Variants in TRAPPC9 observed in about 807,000 individuals in gnomAD.
TRAPPC9 encodes the protein trafficking protein particle complex subunit 9.
In TRAPPC9, 83 loss-of-function variants were observed where a neutral mutation model predicts 124.0. The ratio of observed to expected loss-of-function variants is 0.67; its 90% CI spans 0.56 to 0.80. The LOEUF is 0.80. TRAPPC9 is among the 30% of genes least tolerant of loss of function. The probability of loss-of-function intolerance (pLI) is 0.00; values close to 1 mark genes in which losing one functional copy is unlikely to be tolerated. For synonymous variants in TRAPPC9, 638 were observed against 617.5 expected, an observed-to-expected ratio of 1.03 and a Z score of -0.49; for missense variants, 1,302 against 1,508.3, an observed-to-expected ratio of 0.86 and a Z score of 2.27.
rs936323208 is a variant in TRAPPC9, at chr8:140,252,841, T to G, written c.2367A>C (p.Thr789=). 1.9e-6 allele frequency: 3 copies of G among 1,614,056 alleles called. No individual in the cohort carries two copies. The African/African-American group carries it at 4.0e-5, about 22-fold the overall frequency. The change falls in exon 16 of 23, where the codon ACA becomes ACC. Residue 789 remains threonine, a synonymous_variant. Coordinates refer to ENST00000438773, the MANE Select transcript of TRAPPC9 (RefSeq NM_001160372.4). This position sits in a 1 kb window ranked among gnomAD's most constrained non-coding sequence, Gnocchi z 4.2. Reference sequence around the variant, plus strand: ...AATCCAGCTTCACTTTGATGTTGATTGTGAACGTGGCCACCTTCCCAGGCT... The same window carrying G: ...AATCCAGCTTCACTTTGATGTTGATGGTGAACGTGGCCACCTTCCCAGGCT... ...PLQPGKVATF[T]INIKVKLDFS...
intron 17 of TRAPPC9, among the ~76,000 whole-genome samples, chr8:140,107,397 G>C (rs2060686577): frequency 6.6e-6 from 1 of 152,212 alleles, no homozygotes; most frequent in Non-Finnish European, 1.5e-5. Context: ...TTTATGCTAA[G>C]ACCAGAACAT....
intron 21 of TRAPPC9, among the ~76,000 whole-genome samples, chr8:139,767,274 C>A (rs776866384): frequency 1.3e-5 from 2 of 152,356 alleles, no homozygotes; most frequent in South Asian, 2.1e-4. Context: ...CAAGTCTGTG[C>A]GCCTCCAAAG....
At chr8:139,952,559 G>A (rs1834706450) in intron 19 of TRAPPC9, among the ~76,000 whole-genome samples, 1 of 152,198 alleles carries the variant, frequency 6.6e-6, no homozygotes. Context: ...GTGAACAAAG[G>A]CCTGGGCAAA....
At chr8:140,408,354 T>A (rs75537435) in intron 5 of TRAPPC9, among the ~76,000 whole-genome samples, 1 of 152,004 alleles carries the variant, frequency 6.6e-6, no homozygotes, top group Non-Finnish European at 1.5e-5. Context: ...CTTTCATCAT[T>A]CACTAAAGAG....
chr8:140,019,375 A>C (rs1298885098), intron 18 of TRAPPC9, among the ~76,000 whole-genome samples: 3 of 152,040 alleles, frequency 2.0e-5, no homozygotes, highest in Non-Finnish European at 4.4e-5. Flanking sequence ...TGTAAAGGTG[A>C]TATTATTTCT....
chr8:139,771,752 C>T (rs950039612), intron 21 of TRAPPC9, among the ~76,000 whole-genome samples: 17 of 152,184 alleles, frequency 1.1e-4, no homozygotes, highest in Admixed American at 8.5e-4. Context: ...GTGCAGACAG[C>T]GCAGACCCCA....
chr8:140,123,992 C>G (rs1350407923), intron 17 of TRAPPC9, among the ~76,000 whole-genome samples: 1 of 152,220 alleles, frequency 6.6e-6, no homozygotes, highest in Admixed American at 6.5e-5. Flanking sequence ...TGGACCCTGG[C>G]TGAAGCAGCA....
intron 19 of TRAPPC9, among the ~76,000 whole-genome samples, chr8:139,941,794 T>A (rs1833937986): frequency 6.6e-6 from 1 of 152,186 alleles, no homozygotes; most frequent in African/African-American, 2.4e-5. Flanking sequence ...CATATTCCAC[T>A]CTGCACCCCT....
At chr8:139,896,872 TC>T (rs1412555032) in intron 20 of TRAPPC9, among the ~76,000 whole-genome samples, 1 of 152,224 alleles carries the variant, frequency 6.6e-6, no homozygotes, top group Non-Finnish European at 1.5e-5. Flanking sequence ...TCAAGGCTCT[TC>T]CTAGGCACTT....
chr8:140,410,063 C>T (rs180793120), intron 5 of TRAPPC9, among the ~76,000 whole-genome samples: 4 of 149,956 alleles, frequency 2.7e-5, no homozygotes, highest in African/African-American at 9.9e-5. Context: ...ACTGCTTGAG[C>T]CCAGAAGGCC....
At chr8:140,209,644 T>C (rs555200405) in intron 17 of TRAPPC9, among the ~76,000 whole-genome samples, 5 of 152,348 alleles carry the variant, frequency 3.3e-5, no homozygotes, top group South Asian at 4.1e-4. Context: ...TGGAACTGAA[T>C]TGGATTTGCT....
At chr8:140,146,864 C>CAAAAA (rs11460861) in intron 17 of TRAPPC9, among the ~76,000 whole-genome samples, 1 of 125,196 alleles carries the variant, frequency 8.0e-6, no homozygotes, top group African/African-American at 2.7e-5. Flanking sequence ...GTTTTCTAAC[C>CAAAAA]AAAAAAAAAA....
At chr8:140,183,854 A>G (rs2062264482) in intron 17 of TRAPPC9, among the ~76,000 whole-genome samples, 1 of 58,222 alleles carries the variant, frequency 1.7e-5, no homozygotes, top group African/African-American at 6.2e-5. Flanking sequence ...GACTTTGTCA[A>G]AAAAAAAAAA....
At chr8:140,189,040 A>G (rs2062418828) in intron 17 of TRAPPC9, among the ~76,000 whole-genome samples, 1 of 152,218 alleles carries the variant, frequency 6.6e-6, no homozygotes, top group African/African-American at 2.4e-5. Flanking sequence ...GCTTCTGTGT[A>G]TGGAACCCAT....
At chr8:140,011,670 ATTTT>A (rs56884853) in intron 18 of TRAPPC9, among the ~76,000 whole-genome samples, 1,556 of 62,580 alleles carry the variant, frequency 0.025, 81 homozygotes, top group African/African-American at 0.09. Flanking sequence ...CACCCAGCTA[ATTTT>A]TTTTTTTTTT....
intron 9 of TRAPPC9, among the ~76,000 whole-genome samples, chr8:140,355,136 T>C (rs2067701269): frequency 6.6e-6 from 1 of 152,162 alleles, no homozygotes. Flanking sequence ...CCTAAAAACA[T>C]ACAGCTTGGA....
chr8:139,775,849 C>A (rs1821324993), intron 21 of TRAPPC9, among the ~76,000 whole-genome samples: 1 of 152,246 alleles, frequency 6.6e-6, no homozygotes, highest in Non-Finnish European at 1.5e-5. Context: ...CTGCCCAGTA[C>A]CTGGGCCTCA....
Position 140,422,030 on chromosome 8 carries a change from A to G in TRAPPC9, c.886+4585T>C, listed in dbSNP as rs530747315. Among the ~76,000 whole-genome samples, 19 of 151,204 alleles carry G rather than the reference A, an allele frequency of 1.3e-4. No homozygotes were observed. In the South Asian group the frequency reaches 3.6e-3, roughly 28 times the overall value. On this transcript the variant is annotated intron_variant, in intron 5 of 22. Transcript: ENST00000438773. Reference sequence around the variant, plus strand: ...AAAACGGGCAAGAAATCAAACAAGCAAATAGTTTTCAGTAAATGATTCCCT... The same window carrying G: ...AAAACGGGCAAGAAATCAAACAAGCGAATAGTTTTCAGTAAATGATTCCCT...
chr8:139,938,520 C>T (rs532867326), intron 19 of TRAPPC9, among the ~76,000 whole-genome samples: 22 of 152,216 alleles, frequency 1.4e-4, no homozygotes, highest in Admixed American at 5.9e-4. Context: ...CTCCTGACCT[C>T]GTGATCCTCC....
Sources: allele counts gnomAD v4.1 joint callset (sites outside exome capture counted in the v4.1 genomes callset), GRCh38; gene constraint gnomAD v4.1.1; non-coding constraint Gnocchi (gnomAD v3.1); transcripts MANE v1.5; gene names NCBI Gene and HGNC (gene_info 2026-07-23, HGNC 2026-07-21).